Variants in PACRG observed in about 807,000 individuals in gnomAD.
PACRG encodes parkin coregulated.
PACRG carries 29 observed loss-of-function variants against 29.7 expected under a neutral mutation model. The ratio of observed to expected loss-of-function variants is 0.98; its 90% confidence interval spans 0.73 to 1.33. The LOEUF (loss-of-function observed/expected upper bound fraction) is 1.33. Among genes scored for constraint, PACRG ranks in the 40% most tolerant of loss-of-function variants. PACRG has a pLI of 0.00. For missense variants in PACRG, 279 were observed against 316.2 expected, an observed-to-expected ratio of 0.88 and a Z score of 0.89; for synonymous variants, 116 against 118.7, an observed-to-expected ratio of 0.98 and a Z score of 0.15.
At chr6:163,008,644 A>G (rs1321630763) in intron 2 of PACRG, among the ~76,000 whole-genome samples, 1 of 148,168 alleles carries the variant, frequency 6.7e-6, no homozygotes, top group Non-Finnish European at 1.5e-5. Context: ...GGCCACCAGG[A>G]ACTTTATTCT....
At chr6:163,089,154 G>A in intron 3 of PACRG, 105 bp from the exon 4 acceptor site, 3 of 1,200,430 alleles carry the variant, frequency 2.5e-6, no homozygotes, top group Admixed American at 2.2e-5. Flanking sequence ...CCCCAGTAGA[G>A]CACAGTTTAA....
intron 4 of PACRG, among the ~76,000 whole-genome samples, chr6:163,308,665 C>CAAAAAAAAAAAAAAAAA (rs34275762): frequency 7.6e-6 from 1 of 131,400 alleles, no homozygotes; most frequent in African/African-American, 2.6e-5. Flanking sequence ...GGCTCCGTCT[C>CAAAAAAAAAAAAAAAAA]AAAAAAAAAA....
intron 4 of PACRG, among the ~76,000 whole-genome samples, chr6:163,139,333 G>A (rs1776130082): frequency 6.6e-6 from 1 of 151,858 alleles, no homozygotes; most frequent in South Asian, 2.1e-4. Context: ...GGTAAGCCAG[G>A]ATCCTCTCCT....
At position 163,088,914 on chromosome 6, in the gene PACRG, C is replaced by A. The variant is rs905418850; in HGVS notation, c.464-345C>A. On this transcript the variant is annotated intron_variant, in intron 3 of 4. Coordinates refer to ENST00000366888, the MANE Select transcript of PACRG (RefSeq NM_001080379.2). ...GCATGAAAATGTATCTGTTGTCAAC[C>A]CACATGGGTTCCTTTAACTCCAGCA... Among the ~76,000 whole-genome samples, 5 of 152,122 alleles carry A rather than the reference C, an allele frequency of 3.3e-5. No homozygotes were observed. The East Asian group carries it at 9.7e-4, about 30-fold the overall frequency.
chr6:163,172,172 A>G (rs1485962780), intron 4 of PACRG, among the ~76,000 whole-genome samples: 1 of 152,210 alleles, frequency 6.6e-6, no homozygotes, highest in Non-Finnish European at 1.5e-5. Flanking sequence ...GCCTCTTGGT[A>G]TATACTTAAA....
Position 162,977,260 on chromosome 6 carries a change from G to A in PACRG, c.292-84890G>A, listed in dbSNP as rs368187931. Among the ~76,000 whole-genome samples the A allele has an allele frequency of 1.6e-4, 24 of 151,918 alleles. No homozygotes were observed. In the South Asian group the frequency reaches 3.3e-3, roughly 21 times the overall value. The stretch of plus-strand genomic sequence containing the variant: ...TAATGACAATAAAAAGATCCATAGC[G>A]TAAATACAAATGGAAAAGTCTTAAC... On this transcript the variant is annotated intron_variant, in intron 2 of 4. Transcript: ENST00000366888.
intron 1 of PACRG, among the ~76,000 whole-genome samples, chr6:162,780,799 C>T (rs1370110102): frequency 1.3e-5 from 2 of 151,748 alleles, no homozygotes; most frequent in African/African-American, 4.8e-5. Context: ...TTAGATATTG[C>T]AGAAGAAAAG....
At chr6:163,301,511 G>A (rs1460416933) in intron 4 of PACRG, among the ~76,000 whole-genome samples, 1 of 152,224 alleles carries the variant, frequency 6.6e-6, no homozygotes, top group Non-Finnish European at 1.5e-5. Flanking sequence ...TCCCAAAGAT[G>A]AGGGCTCCAA....
At chr6:163,126,499 C>T (rs962244522) in intron 4 of PACRG, among the ~76,000 whole-genome samples, 12 of 152,168 alleles carry the variant, frequency 7.9e-5, no homozygotes, top group African/African-American at 2.9e-4. Context: ...ACAAAAGGAA[C>T]AGAGCAAATG....
At position 163,145,897 on chromosome 6, in the gene PACRG, G is replaced by A. The variant is rs781389778; in HGVS notation, c.613+56489G>A. Among the ~76,000 whole-genome samples the A allele has an allele frequency of 3.3e-5, 5 of 152,176 alleles. No homozygotes were observed. The East Asian group carries it at 9.6e-4, about 29-fold the overall frequency. Reference sequence around the variant, plus strand: ...GAGAAGGAGACCTGCAGGGTGAGATGAGAGGCGGTGAGGAGAGAGAGCTGC... The same window carrying A: ...GAGAAGGAGACCTGCAGGGTGAGATAAGAGGCGGTGAGGAGAGAGAGCTGC... On this transcript the variant is annotated intron_variant, in intron 4 of 4. Transcript: ENST00000366888.
intron 4 of PACRG, among the ~76,000 whole-genome samples, chr6:163,212,810 C>T (rs898872830): frequency 4.0e-5 from 6 of 148,808 alleles, no homozygotes; most frequent in Non-Finnish European, 5.9e-5. Flanking sequence ...GACGGAGTCT[C>T]GCTCATCGCC....
At chr6:162,935,574 T>A (rs1798177371) in intron 2 of PACRG, among the ~76,000 whole-genome samples, 1 of 152,030 alleles carries the variant, frequency 6.6e-6, no homozygotes, top group Non-Finnish European at 1.5e-5. Flanking sequence ...ATTTCTTTTT[T>A]AAAATTTCTC....
chr6:162,869,157 G>A (rs916001157), intron 2 of PACRG, among the ~76,000 whole-genome samples: 2 of 152,146 alleles, frequency 1.3e-5, no homozygotes, highest in African/African-American at 2.4e-5. Context: ...CCAAATAACA[G>A]TGGATGTATT....
At chr6:162,949,303 T>G (rs1466840809) in intron 2 of PACRG, among the ~76,000 whole-genome samples, 1 of 151,996 alleles carries the variant, frequency 6.6e-6, no homozygotes, top group East Asian at 1.9e-4. Flanking sequence ...TTAAAAAATG[T>G]TGGTTTTATG....
chr6:163,136,568 C>T (rs1295647897), intron 4 of PACRG, among the ~76,000 whole-genome samples: 1 of 152,076 alleles, frequency 6.6e-6, no homozygotes, highest in African/African-American at 2.4e-5. Flanking sequence ...AAATTTTTTC[C>T]ATAAAGATTT....
chr6:162,949,614 CAA>C (rs1319635806), intron 2 of PACRG, among the ~76,000 whole-genome samples: 2 of 151,986 alleles, frequency 1.3e-5, no homozygotes, highest in Non-Finnish European at 2.9e-5. Flanking sequence ...TATTATGTGT[CAA>C]GTTTTAAAAA....
chr6:163,256,457 A>G (rs1555065), intron 4 of PACRG, among the ~76,000 whole-genome samples: 109,422 of 152,142 alleles, frequency 0.72, 39,530 homozygotes, highest in African/African-American at 0.76. Context: ...TTTCATGAAG[A>G]AAAATAAAAC....
intron 2 of PACRG, among the ~76,000 whole-genome samples, chr6:163,004,731 T>TAC (rs1391766486): frequency 0.014 from 2,037 of 143,676 alleles, 59 homozygotes; most frequent in African/African-American, 0.053. Context: ...TGTGTGTATA[T>TAC]ATATATACAC....
At chr6:162,817,279 A>C (rs1021058706) in intron 2 of PACRG, among the ~76,000 whole-genome samples, 17 of 152,206 alleles carry the variant, frequency 1.1e-4, no homozygotes, top group African/African-American at 4.1e-4. Flanking sequence ...CCAGGTTAGG[A>C]ACCATTGTGT....
Sources: gnomAD v4.1 joint callset for allele counts (sites outside exome capture counted in the v4.1 genomes callset) on GRCh38, gnomAD v4.1.1 for gene constraint, MANE v1.5 for transcripts, NCBI Gene and HGNC (gene_info 2026-07-23, HGNC 2026-07-21) for gene names.